Variants in CAMK2D observed in about 807,000 individuals in gnomAD.
The protein encoded by CAMK2D is calcium/calmodulin dependent protein kinase II delta, also known as calcium/calmodulin-dependent protein kinase type II subunit delta.
In CAMK2D, 37 loss-of-function variants were observed where a neutral mutation model predicts 84.0. The observed-to-expected ratio is 0.44, with a 90% CI of 0.34 to 0.58. CAMK2D has a LOEUF of 0.58. CAMK2D is among the 20% of genes least tolerant of loss of function. The probability of loss-of-function intolerance (pLI) is 0.02; values close to 1 mark genes in which losing one functional copy is unlikely to be tolerated. For synonymous variants in CAMK2D, 202 were observed against 212.5 expected, an observed-to-expected ratio of 0.95 and a Z score of 0.43; for missense variants, 448 against 652.5, an observed-to-expected ratio of 0.69 and a Z score of 3.41.
At chr4:113,522,774 TAATA>T in intron 8 of CAMK2D, among the ~76,000 whole-genome samples, 1 of 152,358 alleles carries the variant, frequency 6.6e-6, no homozygotes, top group East Asian at 1.9e-4. Flanking sequence ...AATTACTTGC[TAATA>T]AATTATAAAG....
At chr4:113,747,084 T>C (rs2099605930) in intron 2 of CAMK2D, among the ~76,000 whole-genome samples, 1 of 150,120 alleles carries the variant, frequency 6.7e-6, no homozygotes, top group Admixed American at 6.7e-5. Context: ...ATCTTACATA[T>C]TAATTTTTTT....
chr4:113,609,487 T>C (rs2098991010), intron 3 of CAMK2D, among the ~76,000 whole-genome samples: 1 of 152,180 alleles, frequency 6.6e-6, no homozygotes, highest in Non-Finnish European at 1.5e-5. Flanking sequence ...TGAGATTAAA[T>C]GAGATAAAAA....
At chr4:113,664,727 C>A (rs528959832) in intron 2 of CAMK2D, among the ~76,000 whole-genome samples, 1 of 151,914 alleles carries the variant, frequency 6.6e-6, no homozygotes, top group Non-Finnish European at 1.5e-5. Flanking sequence ...CCTAGGCTGG[C>A]CCAATTTCAA....
chr4:113,475,782 G>A (rs1343400304), intron 16 of CAMK2D, among the ~76,000 whole-genome samples: 1 of 152,120 alleles, frequency 6.6e-6, no homozygotes, highest in South Asian at 2.1e-4. Context: ...ATGTTTTCTA[G>A]CTTATTCTTA....
chr4:113,519,089 C>T (rs2098324626), intron 8 of CAMK2D, among the ~76,000 whole-genome samples: 1 of 151,900 alleles, frequency 6.6e-6, no homozygotes, highest in Admixed American at 6.6e-5. Context: ...TCTTTGTGTT[C>T]TCAGGAGGCA....
At chr4:113,533,567 C>T (rs2098471474) in intron 7 of CAMK2D, among the ~76,000 whole-genome samples, 1 of 151,810 alleles carries the variant, frequency 6.6e-6, no homozygotes, top group Admixed American at 6.6e-5. Flanking sequence ...CATTGTAACA[C>T]ATTGGCATAA....
chr4:113,616,961 G>A (rs1170479056), intron 3 of CAMK2D, among the ~76,000 whole-genome samples: 1 of 152,038 alleles, frequency 6.6e-6, no homozygotes, highest in Non-Finnish European at 1.5e-5. Context: ...TGGAAAAGTT[G>A]ATACTCATTT....
chr4:113,614,742 T>C (rs764721560), intron 3 of CAMK2D, among the ~76,000 whole-genome samples: 4 of 152,142 alleles, frequency 2.6e-5, no homozygotes, highest in Non-Finnish European at 5.9e-5. Context: ...GGGATGGGGA[T>C]TGTTACCTAA....
At chr4:113,652,998 G>A (rs1422971025) in intron 3 of CAMK2D, among the ~76,000 whole-genome samples, 1 of 151,994 alleles carries the variant, frequency 6.6e-6, no homozygotes, top group Non-Finnish European at 1.5e-5. Flanking sequence ...AGTAACAAAT[G>A]TACTCAGATT....
chr4:113,542,793 A>C (rs946328074), intron 6 of CAMK2D, among the ~76,000 whole-genome samples: 2 of 152,122 alleles, frequency 1.3e-5, no homozygotes, highest in African/African-American at 4.8e-5. Flanking sequence ...CTTTGGTCAT[A>C]AATTTAATTT....
intron 4 of CAMK2D, among the ~76,000 whole-genome samples, chr4:113,561,911 AT>A (rs2098700410): frequency 6.6e-6 from 1 of 152,116 alleles, no homozygotes; most frequent in East Asian, 1.9e-4. Context: ...CAGATTTCTT[AT>A]TTTTTACTGG....
chr4:113,632,309 T>C (rs2099092977), intron 3 of CAMK2D, among the ~76,000 whole-genome samples: 1 of 151,824 alleles, frequency 6.6e-6, no homozygotes. Context: ...CTGCAACCTC[T>C]GTCTCCTGGG....
At chr4:113,570,009 A>G (rs1395861300) in intron 4 of CAMK2D, among the ~76,000 whole-genome samples, 2 of 152,226 alleles carry the variant, frequency 1.3e-5, no homozygotes, top group East Asian at 3.9e-4. Context: ...GAGTATATGA[A>G]AAAAATCCAG....
chr4:113,459,363 T>C (rs939784302), intron 18 of CAMK2D, among the ~76,000 whole-genome samples: 1 of 152,004 alleles, frequency 6.6e-6, no homozygotes, highest in Non-Finnish European at 1.5e-5. Context: ...GGACTATAGG[T>C]GCTTGTCATC....
At chr4:113,644,024 AT>A (rs2099142188) in intron 3 of CAMK2D, among the ~76,000 whole-genome samples, 1 of 152,204 alleles carries the variant, frequency 6.6e-6, no homozygotes, top group Non-Finnish European at 1.5e-5. Context: ...ATTACATCAA[AT>A]TATGTCATTC....
chr4:113,709,746 GATATATATATATAT>G lies in CAMK2D; in HGVS notation c.161-47988_161-47975del, dbSNP rs397995032. Reference sequence around the variant, plus strand: ...GAGTGAAAAGCTAAAAGCCGTGAACGATATATATATATATATATATATATATATATATATATGAG... The same window carrying G: ...GAGTGAAAAGCTAAAAGCCGTGAACGATATATATATATATATATATATGAG... On this transcript the variant is annotated intron_variant, in intron 2 of 20. Transcript: ENST00000511664. Among the ~76,000 whole-genome samples, 24 of 49,804 alleles carry G rather than the reference GATATATATATATAT, an allele frequency of 4.8e-4. 2 individuals carry two copies. The highest frequency in any genetic ancestry group is 2.1e-3 in the East Asian group (5 of 2,352). The allele number at this position is 49,804 out of a possible 152,430, so 32.7% of individuals were successfully genotyped here.
chr4:113,459,098 C>T (rs1418243926), intron 18 of CAMK2D, among the ~76,000 whole-genome samples: 5 of 152,200 alleles, frequency 3.3e-5, no homozygotes, highest in Non-Finnish European at 7.3e-5. Flanking sequence ...TATCTGATTA[C>T]TCACCTTCAT....
chr4:113,675,610 A>C (rs1310300837), intron 2 of CAMK2D, among the ~76,000 whole-genome samples: 1 of 152,182 alleles, frequency 6.6e-6, no homozygotes, highest in South Asian at 2.1e-4. Flanking sequence ...ATGGAATCAG[A>C]GGAAAAGTAA....
At chr4:113,589,839 C>G (rs1465626676) in intron 4 of CAMK2D, among the ~76,000 whole-genome samples, 1 of 151,976 alleles carries the variant, frequency 6.6e-6, no homozygotes, top group Non-Finnish European at 1.5e-5. Context: ...TCTTAAGAAG[C>G]AAGTATAAGC....
Sources: allele counts gnomAD v4.1 joint callset (sites outside exome capture counted in the v4.1 genomes callset), GRCh38; gene constraint gnomAD v4.1.1; transcripts MANE v1.5; gene names NCBI Gene and HGNC (gene_info 2026-07-23, HGNC 2026-07-21).